Variants in SRSF12 observed in about 807,000 individuals in gnomAD.
SRSF12 encodes serine and arginine rich splicing factor 12.
In SRSF12, 21 loss-of-function variants were observed where a neutral mutation model predicts 34.1. That is an observed-to-expected ratio of 0.62 (90% CI 0.44 to 0.89). The LOEUF is 0.89. Among genes scored for constraint, SRSF12 ranks in the 40% least tolerant of loss-of-function variants. The pLI, the probability that SRSF12 is intolerant of heterozygous loss-of-function variation, is 0.00. For synonymous variants in SRSF12, 111 were observed against 110.8 expected, an observed-to-expected ratio of 1.00 and a Z score of -0.01; for missense variants, 278 against 327.8, an observed-to-expected ratio of 0.85 and a Z score of 1.17.
At chr6:89,111,356 A>C (rs572806985) in intron 1 of SRSF12, among the ~76,000 whole-genome samples, 93 of 152,286 alleles carry the variant, frequency 6.1e-4, no homozygotes, top group Non-Finnish European at 1.2e-3. Context: ...TTTTGGTGCA[A>C]AGGTTCTGCA....
At position 89,097,126 on chromosome 6, in the gene SRSF12, T is replaced by C. The variant is rs1409412760; in HGVS notation, c.*1452A>G. On this transcript the variant is annotated 3_prime_UTR_variant, in exon 5 of 5. Coordinates refer to ENST00000452027, the MANE Select transcript of SRSF12 (RefSeq NM_080743.5). ...ATCTAATATGCAAAGAAAACTGGAA[T>C]TTGTATTCAAAACAAATAGAAGCAA... 1 of 152,212 alleles carries C rather than the reference T, an allele frequency of 6.6e-6. No individual in the cohort carries two copies. Among genetic ancestry groups the C allele is most frequent in the African/African-American group, 2.4e-5 (1 of 41,456 alleles). 9.4% of individuals were successfully genotyped at this position (152,212 alleles called of 1,614,324 possible).
chr6:89,101,109 CAAA>C (rs764910655), intron 4 of SRSF12, among the ~76,000 whole-genome samples: 153 of 54,624 alleles, frequency 2.8e-3, no homozygotes, highest in African/African-American at 7.1e-3. Flanking sequence ...ACCTCCAAGA[CAAA>C]AAAAAAAAAA....
In SRSF12 at chr6:89,098,576, G is replaced by A. The variant is rs76339754; in HGVS notation, c.*2C>T. The A allele has an allele frequency of 6.2e-7, 1 of 1,606,098 alleles. No homozygotes were observed. The highest frequency in any genetic ancestry group is 1.3e-5 in the African/African-American group (1 of 74,868). On this transcript the variant is annotated 3_prime_UTR_variant, in exon 5 of 5. Coordinates refer to ENST00000452027, the MANE Select transcript of SRSF12 (RefSeq NM_080743.5). ...ACGGCGTGGTGCTCTTTCTGTTGCT[G>A]TTCACCAACTGTTTTTATGACGATA...
Position 89,117,973 on chromosome 6 carries a change from T to TCCGCCGGCCCCCGGCGCGA in SRSF12, c.-105_-87dup. The TCCGCCGGCCCCCGGCGCGA allele has an allele frequency of 4.2e-6, 6 of 1,414,348 alleles. No individual in the cohort carries two copies. The highest frequency in any genetic ancestry group is 4.7e-6 in the Non-Finnish European group (5 of 1,055,148). 87.6% of individuals were successfully genotyped at this position (1,414,348 alleles called of 1,614,324 possible). On this transcript the variant is annotated 5_prime_UTR_variant, in exon 1 of 5. Coordinates refer to ENST00000452027, the MANE Select transcript of SRSF12 (RefSeq NM_080743.5). Reference sequence around the variant, plus strand: ...CTACCGCTGCTACCACCACAGGAGCTCCGCCGGCCCCCGGCGCGACCCCCA... The same window carrying TCCGCCGGCCCCCGGCGCGA: ...CTACCGCTGCTACCACCACAGGAGCTCCGCCGGCCCCCGGCGCGACCGCCGGCCCCCGGCGCGACCCCCA...
rs1468787781 is a variant in SRSF12, at chr6:89,098,768, G to A, written c.596C>T (p.Ser199Leu). ...SKSIGKSQSS[S>L]PQKQTSSGTK... ...TCCTGAGCTAGTCTGCTTTTGAGGT[G>A]AACTTGACTGTGATTTTCCTATTGA... The change falls in exon 5 of 5, where the codon TCA (serine) becomes TTA (leucine). Residue 199 changes from serine to leucine, a missense_variant. Physicochemically the swap from Ser to Leu is moderately radical, Grantham distance 145. Transcript: ENST00000452027. 1 of 1,613,812 alleles carries A rather than the reference G, an allele frequency of 6.2e-7. No individual in the cohort carries two copies. Among genetic ancestry groups the A allele is most frequent in the Non-Finnish European group, 8.5e-7 (1 of 1,179,874 alleles).
At position 89,112,560 on chromosome 6, in the gene SRSF12, G is replaced by A. The variant is rs565112476; in HGVS notation, c.65+5263C>T. Among the ~76,000 whole-genome samples the A allele has an allele frequency of 3.4e-5, 5 of 149,120 alleles. No homozygotes were observed. The Middle Eastern group carries it at 0.011, about 320-fold the overall frequency. On this transcript the variant is annotated intron_variant, in intron 1 of 4. Transcript: ENST00000452027. Reference sequence around the variant, plus strand: ...CTCCAGTACCTAGGACTACAGGCACGCATCACCATGCCCGGCTAACTTTTT... The same window carrying A: ...CTCCAGTACCTAGGACTACAGGCACACATCACCATGCCCGGCTAACTTTTT...
chr6:89,115,926 C>T (rs1360869567), intron 1 of SRSF12, among the ~76,000 whole-genome samples: 2 of 152,116 alleles, frequency 1.3e-5, no homozygotes, highest in African/African-American at 4.8e-5. Context: ...TGAGCCACCG[C>T]ACCCGGCCAC....
chr6:89,114,262 T>C (rs563938118), intron 1 of SRSF12, among the ~76,000 whole-genome samples: 4 of 152,256 alleles, frequency 2.6e-5, no homozygotes, highest in South Asian at 4.1e-4. Context: ...ACCCCGTCTC[T>C]ACTAAAAATA....
chr6:89,117,690 T>A (rs900525404), intron 1 of SRSF12, 133 bp downstream of exon 1: 24 of 857,380 alleles, frequency 2.8e-5, no homozygotes, highest in Non-Finnish European at 3.8e-5. Context: ...CCTCCCCAAG[T>A]GGCGCAGCCT....
Sources: gnomAD v4.1 joint callset for allele counts (sites outside exome capture counted in the v4.1 genomes callset) on GRCh38, gnomAD v4.1.1 for gene constraint, MANE v1.5 for transcripts, NCBI Gene and HGNC (gene_info 2026-07-23, HGNC 2026-07-21) for gene names.